Variants in ACYP2 observed in about 807,000 individuals in gnomAD.
The protein encoded by ACYP2 is acylphosphatase-2.
ACYP2 carries 12 observed loss-of-function variants against 11.2 expected under a neutral mutation model. The observed-to-expected ratio is 1.08, with a 90% CI of 0.69 to 1.74. The LOEUF is 1.74. ACYP2 is among the 40% of genes most tolerant of loss of function. The pLI is 0.00. For missense variants in ACYP2, 134 were observed against 101.9 expected (o/e 1.31, Z -1.35); for synonymous variants, 43 against 32.2 (o/e 1.33, Z -1.13).
chr2:54,064,102 C>A (rs1676615630), intron 4 of ACYP2, among the ~76,000 whole-genome samples: 1 of 152,162 alleles, frequency 6.6e-6, no homozygotes, highest in Admixed American at 6.5e-5. Flanking sequence ...CTGCCTTGGC[C>A]TCCCAAAGTG....
intron 2 of ACYP2, among the ~76,000 whole-genome samples, chr2:54,019,239 A>T (rs1673863754): frequency 1.3e-5 from 2 of 150,536 alleles, no homozygotes; most frequent in Non-Finnish European, 3.0e-5. Context: ...GCTAATTTTT[A>T]AAAATATTTT....
intron 6 of ACYP2, among the ~76,000 whole-genome samples, chr2:54,177,356 C>T (rs975537459): frequency 6.6e-6 from 1 of 152,150 alleles, no homozygotes; most frequent in Non-Finnish European, 1.5e-5. Context: ...GTGAGGTCTT[C>T]TCCTAGAGCT....
rs56817782 is a variant in ACYP2, at chr2:54,038,673, CTATATATATA to C, written c.63-12254_63-12245del. Among the ~76,000 whole-genome samples, 973 of 106,094 alleles carry C rather than the reference CTATATATATA, an allele frequency of 9.2e-3. 13 individuals are homozygous for C. The highest frequency in any genetic ancestry group is 0.031 in the African/African-American group (834 of 26,828). The allele number at this position is 106,094 out of a possible 152,430, so 69.6% of individuals were successfully genotyped here. A position where few individuals can be genotyped will look rare whatever the true frequency, so the allele number is the denominator to read the frequency against. ...TCATTCAATAAATCTTTATTGAATA[CTATATATATA>C]TATATATATATATATATATATATAT... On this transcript the variant is annotated intron_variant, in intron 2 of 6. Coordinates refer to ENST00000607452, the MANE Select transcript of ACYP2 (RefSeq NM_001320586.2).
intron 6 of ACYP2, among the ~76,000 whole-genome samples, chr2:54,295,912 C>T (rs934373861): frequency 2.6e-5 from 4 of 152,102 alleles, no homozygotes; most frequent in Admixed American, 6.5e-5. Flanking sequence ...AGGCACCCAC[C>T]GCCATGCCTG....
chr2:54,240,210 A>T (rs764404613), intron 6 of ACYP2, among the ~76,000 whole-genome samples: 7 of 152,222 alleles, frequency 4.6e-5, no homozygotes, highest in Non-Finnish European at 7.3e-5. Context: ...GGGTGTCACC[A>T]TGATCTTAGT....
chr2:54,240,491 C>G (rs1399772047), intron 6 of ACYP2, among the ~76,000 whole-genome samples: 2 of 152,136 alleles, frequency 1.3e-5, no homozygotes, highest in African/African-American at 2.4e-5. Flanking sequence ...TTTCTAATAA[C>G]TGGGAAGGGC....
At chr2:54,168,621 T>C (rs1428304285) in intron 6 of ACYP2, among the ~76,000 whole-genome samples, 4 of 152,118 alleles carry the variant, frequency 2.6e-5, no homozygotes, top group Non-Finnish European at 5.9e-5. Context: ...ACAGGTGTAG[T>C]AGAGCCATTA....
At chr2:54,171,884 C>A (rs765661047) in intron 6 of ACYP2, among the ~76,000 whole-genome samples, 4 of 152,084 alleles carry the variant, frequency 2.6e-5, no homozygotes, top group Non-Finnish European at 4.4e-5. Flanking sequence ...GTGCCGTTTT[C>A]TTTCCCTGTA....
At chr2:53,977,842 C>T (rs781782259) in intron 2 of ACYP2, among the ~76,000 whole-genome samples, 1 of 151,940 alleles carries the variant, frequency 6.6e-6, no homozygotes, top group Non-Finnish European at 1.5e-5. Context: ...CTTTCCTTTC[C>T]TCTGTTTCTG....
chr2:54,283,439 G>A (rs1376444085), intron 6 of ACYP2, among the ~76,000 whole-genome samples: 8 of 152,130 alleles, frequency 5.3e-5, no homozygotes, highest in Non-Finnish European at 1.2e-4. Context: ...AGGACTCTGT[G>A]TAGTGCTTTA....
intron 2 of ACYP2, among the ~76,000 whole-genome samples, chr2:54,015,610 C>A (rs1235035771): frequency 6.6e-6 from 1 of 151,080 alleles, no homozygotes; most frequent in East Asian, 2.0e-4. Context: ...GATTGTGCCA[C>A]TGCACTCCAG....
chr2:54,228,829 T>C (rs1207656573), intron 6 of ACYP2, among the ~76,000 whole-genome samples: 2 of 152,176 alleles, frequency 1.3e-5, no homozygotes, highest in Non-Finnish European at 2.9e-5. Flanking sequence ...ACCAGGGGAC[T>C]GAGACTTCAC....
At chr2:54,214,945 C>T (rs900066127) in intron 6 of ACYP2, among the ~76,000 whole-genome samples, 1 of 152,008 alleles carries the variant, frequency 6.6e-6, no homozygotes, top group South Asian at 2.1e-4. Flanking sequence ...TTTTGTAATT[C>T]TTGTTGTAGA....
In ACYP2 at chr2:53,975,695, G is replaced by A. The variant is rs1019473261; in HGVS notation, c.62+1885G>A. On this transcript the variant is annotated intron_variant, in intron 2 of 6. Transcript: ENST00000607452. ...AAAATACAAAAAATTAGCTGGGTGT[G>A]GTGGCATGCACCTGTAGTCCCAGCT... 1.4e-4 allele frequency among the ~76,000 whole-genome samples: 22 copies of A among 152,246 alleles called. No homozygotes were observed. The South Asian group carries it at 2.9e-3, about 20-fold the overall frequency.
chr2:54,009,577 AAATAAT>A (rs749127700), intron 2 of ACYP2, among the ~76,000 whole-genome samples: 2 of 152,088 alleles, frequency 1.3e-5, no homozygotes, highest in East Asian at 1.9e-4. Flanking sequence ...TCTGTCTCAA[AAATAAT>A]AATAATAATA....
chr2:54,221,753 C>G (rs1464371051), intron 6 of ACYP2, among the ~76,000 whole-genome samples: 1 of 151,918 alleles, frequency 6.6e-6, no homozygotes, highest in African/African-American at 2.4e-5. Flanking sequence ...AACTCCTGAC[C>G]TCAGGTGATC....
intron 6 of ACYP2, among the ~76,000 whole-genome samples, chr2:54,284,890 G>C (rs1263213722): frequency 1.3e-5 from 2 of 152,194 alleles, no homozygotes; most frequent in South Asian, 2.1e-4. Flanking sequence ...CAACCCATGA[G>C]ACTGTTGAGA....
At chr2:54,212,355 A>G (rs556591952) in intron 6 of ACYP2, among the ~76,000 whole-genome samples, 87 of 152,336 alleles carry the variant, frequency 5.7e-4, no homozygotes, top group African/African-American at 1.9e-3. Context: ...CAAATTGCAC[A>G]TAGAATTTCT....
chr2:54,041,276 G>C (rs757039919), intron 2 of ACYP2, among the ~76,000 whole-genome samples: 4 of 152,034 alleles, frequency 2.6e-5, no homozygotes, highest in Non-Finnish European at 4.4e-5. Flanking sequence ...GGCACAGAGT[G>C]TTCCTCTACA....
Sources: allele counts gnomAD v4.1 joint callset (sites outside exome capture counted in the v4.1 genomes callset), GRCh38; gene constraint gnomAD v4.1.1; transcripts MANE v1.5; gene names NCBI Gene and HGNC (gene_info 2026-07-23, HGNC 2026-07-21).